HNRNPUL1: variants seen among roughly 807,000 people sequenced by gnomAD.
The protein encoded by HNRNPUL1 is heterogeneous nuclear ribonucleoprotein U-like protein 1.
In HNRNPUL1, 14 loss-of-function variants were observed where a neutral mutation model predicts 108.5. The observed-to-expected ratio is 0.13, with a 90% confidence interval of 0.09 to 0.20. The LOEUF (loss-of-function observed/expected upper bound fraction) is 0.20, where lower values mean the gene tolerates loss of function less well. HNRNPUL1 is among the 10% of genes least tolerant of loss of function. HNRNPUL1 has a pLI of 1.00. For synonymous variants in HNRNPUL1, 422 were observed against 445.2 expected (o/e 0.95, Z 0.66); for missense variants, 804 against 1,168.3 (o/e 0.69, Z 4.55).
At chr19:41,277,905 C>T (rs369066400) in intron 5 of HNRNPUL1, among the ~76,000 whole-genome samples, 9 of 150,900 alleles carry the variant, frequency 6.0e-5, no homozygotes, top group South Asian at 2.1e-4. Flanking sequence ...CAGGTAGATA[C>T]GGATATTCGG....
chr19:41,287,908 A>G (rs2036336079), intron 7 of HNRNPUL1, among the ~76,000 whole-genome samples: 1 of 152,022 alleles, frequency 6.6e-6, no homozygotes, highest in African/African-American at 2.4e-5. Context: ...CTGTGTTCAT[A>G]CTCTACAAAT....
intron 7 of HNRNPUL1, chr19:41,286,578 A>G (rs1211463312): frequency 2.6e-5 from 4 of 152,100 alleles, no homozygotes; most frequent in East Asian, 1.9e-4. Context: ...CACCATATCA[A>G]TGCCGAACTT....
At chr19:41,263,871 C>T (rs996457866), upstream of HNRNPUL1, among the ~76,000 whole-genome samples, 28 of 152,144 alleles carry the variant, frequency 1.8e-4, no homozygotes, top group African/African-American at 6.8e-4. Flanking sequence ...CATCTCTTTC[C>T]GGTTTCTTAA....
chr19:41,305,586 T>A, intron 13 of HNRNPUL1, 90 bp from the exon 14 acceptor site: 1 of 1,542,612 alleles, frequency 6.5e-7, no homozygotes, highest in African/African-American at 1.4e-5. Flanking sequence ...GGCCAACCAC[T>A]TAAAAAGGCC....
At chr19:41,272,503 C>A in intron 3 of HNRNPUL1, 1 of 362,768 alleles carries the variant, frequency 2.8e-6, no homozygotes, top group Non-Finnish European at 5.1e-6. Context: ...CCTGTTCTGT[C>A]CTTTGCCTTA....
At chr19:41,268,075 G>A in intron 1 of HNRNPUL1, 148 bp from the exon 2 acceptor site, 1 of 712,758 alleles carries the variant, frequency 1.4e-6, no homozygotes, top group Non-Finnish European at 2.2e-6. Flanking sequence ...AGGCTCTGGA[G>A]TATAGTATGC....
chr19:41,263,028 G>A (rs2034594410), upstream of HNRNPUL1: 1 of 126,886 alleles, frequency 7.9e-6, no homozygotes. Flanking sequence ...TAACAAGAGC[G>A]AGACTCCGTC....
intron 10 of HNRNPUL1, among the ~76,000 whole-genome samples, chr19:41,295,800 T>A (rs992506227): frequency 2.1e-4 from 32 of 152,212 alleles, no homozygotes; most frequent in Non-Finnish European, 5.9e-5. Context: ...GGTAGTTTGC[T>A]TGTTAGAAAG....
intron 5 of HNRNPUL1, among the ~76,000 whole-genome samples, chr19:41,277,887 T>C (rs2122596632): frequency 6.6e-6 from 1 of 152,232 alleles, no homozygotes; most frequent in African/African-American, 2.4e-5. Flanking sequence ...GAAAAGCCAG[T>C]GAGGCCACAG....
chr19:41,296,134 C>G (rs1049817919), intron 10 of HNRNPUL1, among the ~76,000 whole-genome samples: 2 of 152,212 alleles, frequency 1.3e-5, no homozygotes, highest in Non-Finnish European at 2.9e-5. Context: ...TCCTCCCTGT[C>G]TTTTTCTTGG....
chr19:41,292,591 T>C lies in HNRNPUL1; in HGVS notation c.1266+80T>C. 2 of 1,494,576 alleles carry C rather than the reference T, an allele frequency of 1.3e-6. No individual in the cohort carries two copies. The highest frequency in any genetic ancestry group is 1.8e-6 in the Non-Finnish European group (2 of 1,083,748). The allele number at this position is 1,494,576 out of a possible 1,614,324, so 92.6% of individuals were successfully genotyped here. A position where few individuals can be genotyped will look rare whatever the true frequency, so the allele number is the denominator to read the frequency against. On this transcript the variant is annotated intron_variant, in intron 8 of 14. Transcript: ENST00000392006. The surrounding 1 kb of genome is among the most constrained non-coding windows in gnomAD (Gnocchi z 4.1). ...ACACACACACACACACACACAGACT[T>C]GCTGCGAGAGTAGCCTTGGGGCAAG...
upstream of HNRNPUL1, among the ~76,000 whole-genome samples, chr19:41,263,524 G>A (rs931140955): frequency 5.9e-5 from 9 of 152,190 alleles, no homozygotes; most frequent in Admixed American, 5.9e-4. Flanking sequence ...ACTACCCAAG[G>A]GAAGGGGAGG....
intron 10 of HNRNPUL1, among the ~76,000 whole-genome samples, chr19:41,298,127 A>T (rs2036994446): frequency 6.6e-6 from 1 of 152,136 alleles, no homozygotes; most frequent in African/African-American, 2.4e-5. Context: ...GTGACAAGTG[A>T]GAGTAGACAG....
At chr19:41,290,783 G>A (rs902234597) in intron 7 of HNRNPUL1, among the ~76,000 whole-genome samples, 3 of 152,210 alleles carry the variant, frequency 2.0e-5, no homozygotes, top group Non-Finnish European at 2.9e-5. Context: ...TAGGCTAGGC[G>A]TAGTGGCTCA....
intron 3 of HNRNPUL1, chr19:41,272,456 A>C: frequency 2.0e-6 from 1 of 488,310 alleles, no homozygotes; most frequent in African/African-American, 1.9e-5. Flanking sequence ...GGTAACTTCT[A>C]AATATCTTAG....
At chr19:41,278,728 T>C (rs550119017) in intron 5 of HNRNPUL1, among the ~76,000 whole-genome samples, 55 of 152,298 alleles carry the variant, frequency 3.6e-4, no homozygotes, top group Admixed American at 3.5e-3. Context: ...GGATTACAGG[T>C]GTGAGTCACC....
chr19:41,288,645 C>T (rs897619987), intron 7 of HNRNPUL1, among the ~76,000 whole-genome samples: 1 of 152,120 alleles, frequency 6.6e-6, no homozygotes, highest in Admixed American at 6.5e-5. Context: ...TAACCTAGCG[C>T]CTCCCTTTGG....
At chr19:41,263,273 T>TA (rs1299642951), upstream of HNRNPUL1, among the ~76,000 whole-genome samples, 8 of 152,136 alleles carry the variant, frequency 5.3e-5, no homozygotes, top group Admixed American at 5.2e-4. Flanking sequence ...GGTGCAGCGT[T>TA]AGACACTGGG....
chr19:41,291,201 G>A (rs1239605298), intron 7 of HNRNPUL1, among the ~76,000 whole-genome samples: 1 of 152,126 alleles, frequency 6.6e-6, no homozygotes, highest in Admixed American at 6.5e-5. Flanking sequence ...CTTGTGTTCT[G>A]TCACTGCTAG....
Sources: allele counts gnomAD v4.1 joint callset (sites outside exome capture counted in the v4.1 genomes callset), GRCh38; gene constraint gnomAD v4.1.1; non-coding constraint Gnocchi (gnomAD v3.1); transcripts MANE v1.5; gene names NCBI Gene and HGNC (gene_info 2026-07-23, HGNC 2026-07-21).